Variants in NT5C3A observed in about 807,000 individuals in gnomAD.
NT5C3A encodes the protein 5'-nucleotidase, cytosolic IIIA, also known as cytosolic 5'-nucleotidase 3A.
NT5C3A carries 23 observed loss-of-function variants against 40.0 expected under a neutral mutation model. The observed-to-expected ratio is 0.58, with a 90% CI of 0.41 to 0.81. The LOEUF is 0.81. Among genes scored for constraint, NT5C3A ranks in the 40% least tolerant of loss-of-function variants. The pLI is 0.00. For missense variants in NT5C3A, 328 were observed against 403.0 expected (o/e 0.81, Z 1.59); for synonymous variants, 130 against 141.4 (o/e 0.92, Z 0.57).
chr7:33,029,218 G>A (rs1786110577), intron 1 of NT5C3A: 1 of 155,352 alleles, frequency 6.4e-6, no homozygotes, highest in Non-Finnish European at 1.4e-5. Flanking sequence ...TTCAATAGAT[G>A]GAAAGGCAGA....
chr7:33,020,294 C>A (rs995631483), intron 5 of NT5C3A, among the ~76,000 whole-genome samples: 2 of 151,564 alleles, frequency 1.3e-5, no homozygotes, highest in African/African-American at 4.9e-5. Context: ...AAGAAAGAAA[C>A]GAAAAGAAAA....
chr7:33,061,304 A>G (rs915584810), intron 1 of NT5C3A, among the ~76,000 whole-genome samples: 1 of 152,282 alleles, frequency 6.6e-6, no homozygotes, highest in African/African-American at 2.4e-5. Context: ...ATGAATTTTA[A>G]TAAGCCTTTA....
chr7:33,056,187 C>G (rs1409360773), intron 1 of NT5C3A, among the ~76,000 whole-genome samples: 1 of 151,960 alleles, frequency 6.6e-6, no homozygotes, highest in Non-Finnish European at 1.5e-5. Context: ...ATATGAGACA[C>G]TGTATAAATT....
intron 1 of NT5C3A, among the ~76,000 whole-genome samples, chr7:33,033,267 A>G (rs1786383800): frequency 6.6e-6 from 1 of 152,212 alleles, no homozygotes. Flanking sequence ...AGCTACACAG[A>G]AAGTATAGAT....
intron 1 of NT5C3A, 24 bp downstream of exon 1, chr7:33,062,544 G>C: frequency 1.2e-6 from 2 of 1,603,414 alleles, no homozygotes; most frequent in Non-Finnish European, 8.5e-7. Context: ...GCGTGCTCTG[G>C]GCGCGCCGAG....
At chr7:33,050,887 G>T (rs1787337534) in intron 1 of NT5C3A, among the ~76,000 whole-genome samples, 1 of 152,146 alleles carries the variant, frequency 6.6e-6, no homozygotes, top group Admixed American at 6.5e-5. Context: ...ATATAGAATA[G>T]CAGTGTGTCA....
At chr7:33,026,944 G>C (rs1026896497) in intron 1 of NT5C3A, 29 bp from the exon 2 acceptor site, 3 of 1,454,082 alleles carry the variant, frequency 2.1e-6, no homozygotes, top group African/African-American at 1.4e-5. Flanking sequence ...TAATTAATTA[G>C]TTTTCATTCT....
chr7:33,015,410 A>C (rs1441848125), intron 8 of NT5C3A, among the ~76,000 whole-genome samples: 5 of 152,124 alleles, frequency 3.3e-5, no homozygotes, highest in Non-Finnish European at 7.4e-5. Flanking sequence ...AAAAAATTTA[A>C]AAATCAGCCA....
At chr7:33,043,088 G>A (rs916684297) in intron 1 of NT5C3A, among the ~76,000 whole-genome samples, 1 of 152,110 alleles carries the variant, frequency 6.6e-6, no homozygotes, top group Non-Finnish European at 1.5e-5. Flanking sequence ...TCAATTTACT[G>A]GTGGGCAAAT....
At chr7:33,019,811 G>A (rs1382325617) in intron 5 of NT5C3A, 87 bp from the exon 6 acceptor site, 5 of 791,480 alleles carry the variant, frequency 6.3e-6, no homozygotes, top group Non-Finnish European at 1.1e-5. Flanking sequence ...TTCCATGTGA[G>A]AAAATCTGTT....
At chr7:33,035,389 T>A (rs1243109265) in intron 1 of NT5C3A, among the ~76,000 whole-genome samples, 1 of 152,002 alleles carries the variant, frequency 6.6e-6, no homozygotes, top group Non-Finnish European at 1.5e-5. Flanking sequence ...GAGATGGGGT[T>A]TCACTGTATT....
At chr7:33,052,379 T>C (rs1377715240) in intron 1 of NT5C3A, among the ~76,000 whole-genome samples, 4 of 73,726 alleles carry the variant, frequency 5.4e-5, no homozygotes, top group African/African-American at 2.1e-4. Flanking sequence ...ACTACTCAGG[T>C]GGCTGAGGCA....
chr7:33,042,356 A>C (rs192479831), intron 1 of NT5C3A, among the ~76,000 whole-genome samples: 4,328 of 152,040 alleles, frequency 0.028, 91 homozygotes, highest in South Asian at 0.12. Flanking sequence ...AAAAAACCCC[A>C]AAAAAACAAA....
At chr7:33,057,064 T>A (rs183139077) in intron 1 of NT5C3A, among the ~76,000 whole-genome samples, 2 of 152,172 alleles carry the variant, frequency 1.3e-5, no homozygotes, top group Admixed American at 1.3e-4. Context: ...CCGCCCGCCT[T>A]GGCCTCCCAA....
intron 1 of NT5C3A, among the ~76,000 whole-genome samples, chr7:33,028,405 C>T (rs1392767102): frequency 2.0e-5 from 3 of 152,184 alleles, no homozygotes; most frequent in Non-Finnish European, 4.4e-5. Context: ...AAAATCAGTA[C>T]AAGCTCTCAT....
chr7:33,020,775 A>ATT (rs11434167), intron 5 of NT5C3A, among the ~76,000 whole-genome samples: 2,073 of 142,412 alleles, frequency 0.015, 19 homozygotes, highest in African/African-American at 0.022. Context: ...GTCATGATCT[A>ATT]TTTTTTTTTT....
chr7:33,023,266 T>C (rs1324738023), intron 3 of NT5C3A, among the ~76,000 whole-genome samples: 1 of 151,792 alleles, frequency 6.6e-6, no homozygotes, highest in East Asian at 2.0e-4. Context: ...TTTCCTTTTT[T>C]ACTTTTTTTT....
chr7:33,028,489 ATAG>A (rs1786070285), intron 1 of NT5C3A, among the ~76,000 whole-genome samples: 1 of 152,254 alleles, frequency 6.6e-6, no homozygotes, highest in Non-Finnish European at 1.5e-5. Flanking sequence ...ATAGGCAATA[ATAG>A]TACCTCAAAT....
intron 1 of NT5C3A, among the ~76,000 whole-genome samples, chr7:33,061,724 T>A (rs77694159): frequency 0.026 from 3,914 of 152,274 alleles, 171 homozygotes; most frequent in African/African-American, 0.088. Context: ...GATGTTCACA[T>A]GTATAGCACA....
Sources: gnomAD v4.1 joint callset for allele counts (sites outside exome capture counted in the v4.1 genomes callset) on GRCh38, gnomAD v4.1.1 for gene constraint, MANE v1.5 for transcripts, NCBI Gene and HGNC (gene_info 2026-07-23, HGNC 2026-07-21) for gene names.